The following PTPN11 variants were observed in gnomAD, a reference collection of about 807,000 sequenced individuals.
PTPN11 encodes the protein tyrosine-protein phosphatase non-receptor type 11.
In PTPN11, 6 loss-of-function variants were observed where a neutral mutation model predicts 78.8. The ratio of observed to expected loss-of-function variants is 0.08; its 90% CI spans 0.04 to 0.15. PTPN11 has a LOEUF of 0.15. Ranked by LOEUF, PTPN11 falls within the 10% of genes least tolerant of loss-of-function variation. The probability of loss-of-function intolerance (pLI) is 1.00; values close to 1 mark genes in which losing one functional copy is unlikely to be tolerated. For missense variants in PTPN11, 386 were observed against 744.8 expected, an observed-to-expected ratio of 0.52 and a Z score of 5.61; for synonymous variants, 221 against 263.5, an observed-to-expected ratio of 0.84 and a Z score of 1.56.
At chr12:112,505,514 A>C (rs2038921695) in intron 15 of PTPN11, among the ~76,000 whole-genome samples, 1 of 152,022 alleles carries the variant, frequency 6.6e-6, no homozygotes, top group Non-Finnish European at 1.5e-5. Flanking sequence ...GTCTCTACTA[A>C]AAATAGAAAA....
rs1232365396 is a variant in PTPN11 at position 112,508,224 on chromosome 12, C to T, written c.*2432C>T. ...TTGATTTCATTTAGATTTCCCTCCA[C>T]GAGGTCAGCAAACTATCATGTTCTT... On this transcript the variant is annotated 3_prime_UTR_variant, in exon 16 of 16. Coordinates refer to ENST00000351677, the MANE Select transcript of PTPN11 (RefSeq NM_002834.5). 7 of 152,748 alleles carry T rather than the reference C, an allele frequency of 4.6e-5. No individual in the cohort carries two copies. Among genetic ancestry groups the T allele is most frequent in the South Asian group, 4.1e-4 (2 of 4,826 alleles). The allele number at this position is 152,748 out of a possible 1,614,324, so 9.5% of individuals were successfully genotyped here.
chr12:112,498,659 G>A (rs1314291783), intron 13 of PTPN11, among the ~76,000 whole-genome samples: 1 of 152,216 alleles, frequency 6.6e-6, no homozygotes, highest in Non-Finnish European at 1.5e-5. Context: ...CTTGGTTACT[G>A]TGCTGTGACG....
chr12:112,505,323 A>G (rs369318568), intron 15 of PTPN11, among the ~76,000 whole-genome samples: 2 of 152,224 alleles, frequency 1.3e-5, no homozygotes, highest in African/African-American at 2.4e-5. Flanking sequence ...CTCCCCATCA[A>G]TTACGTTTTT....
chr12:112,487,669 T>C (rs2038696506), intron 11 of PTPN11, among the ~76,000 whole-genome samples: 1 of 152,220 alleles, frequency 6.6e-6, no homozygotes, highest in Non-Finnish European at 1.5e-5. Context: ...AAAGTGTTTA[T>C]TTGTCCAGTT....
rs727505390 is a variant in PTPN11 at position 112,489,201 on chromosome 12, G to A, written c.1599+26G>A. On this transcript the variant is annotated intron_variant, in intron 13 of 15. Coordinates refer to ENST00000351677, the MANE Select transcript of PTPN11 (RefSeq NM_002834.5). ...GTACCAGCCTGAGGGCTGGCATGCG[G>A]ATTCTCATTCTCTTGCTAGGCCTCT... is the stretch of plus-strand genomic sequence containing the variant. 9 of 1,613,796 alleles carry A rather than the reference G, an allele frequency of 5.6e-6. No individual in the cohort carries two copies. Among genetic ancestry groups the A allele is most frequent in the African/African-American group, 1.3e-5 (1 of 75,058 alleles).
chr12:112,422,213 T>C (rs904376894), intron 1 of PTPN11, among the ~76,000 whole-genome samples: 1 of 152,200 alleles, frequency 6.6e-6, no homozygotes, highest in African/African-American at 2.4e-5. Context: ...TTTGTTTTGC[T>C]TAATTATCAA....
At chr12:112,446,439 T>G (rs774833026) in intron 2 of PTPN11, 41 bp downstream of exon 2, 4 of 1,613,482 alleles carry the variant, frequency 2.5e-6, no homozygotes, top group Non-Finnish European at 3.4e-6. Flanking sequence ...GAGTGTTTTC[T>G]AGGTAGGAAG....
At chr12:112,457,183 T>A in intron 6 of PTPN11, 1 of 350,192 alleles carries the variant, frequency 2.9e-6, no homozygotes, top group South Asian at 2.1e-5. Context: ...GTGAGGCAGG[T>A]GGACCACTTG....
chr12:112,489,692 C>G (rs183215315), intron 13 of PTPN11, among the ~76,000 whole-genome samples: 1 of 152,180 alleles, frequency 6.6e-6, no homozygotes. Flanking sequence ...CTATTCATAA[C>G]AGGCACAAAG....
intron 13 of PTPN11, among the ~76,000 whole-genome samples, chr12:112,494,246 C>T (rs2038787944): frequency 6.6e-6 from 1 of 152,110 alleles, no homozygotes; most frequent in African/African-American, 2.4e-5. Flanking sequence ...GATGTTGTTC[C>T]ACTTGTTTAT....
intron 1 of PTPN11, among the ~76,000 whole-genome samples, chr12:112,429,767 C>T (rs1269702176): frequency 2.0e-5 from 3 of 149,700 alleles, no homozygotes; most frequent in Admixed American, 6.6e-5. Flanking sequence ...TGTGCCACTG[C>T]ACTCCAGCCT....
intron 10 of PTPN11, among the ~76,000 whole-genome samples, chr12:112,484,845 C>T (rs2038649257): frequency 6.6e-6 from 1 of 151,346 alleles, no homozygotes; most frequent in Non-Finnish European, 1.5e-5. Flanking sequence ...TGTGATTGTG[C>T]CACTGCACTC....
At chr12:112,419,200 G>C (rs1280890840) in intron 1 of PTPN11, 75 bp downstream of exon 1, 1 of 1,343,656 alleles carries the variant, frequency 7.4e-7, no homozygotes, top group Admixed American at 3.9e-5. Context: ...GTCCGGAAGG[G>C]GGCGCCCCGG....
rs372736227 is a variant in PTPN11 at position 112,446,309 on chromosome 12, A to G, written c.48A>G (p.Ala16=). The change falls in exon 2 of 16, where the codon GCA becomes GCG. Residue 16 remains alanine (A), a synonymous_variant. Coordinates refer to ENST00000351677, the MANE Select transcript of PTPN11 (RefSeq NM_002834.5). ...WFHPNITGVE[A]ENLLLTRGVD... is the part of the protein sequence containing the mutation. Reference sequence around the variant, plus strand: ...ACCCAAATATCACTGGTGTGGAGGCAGAAAACCTACTGTTGACAAGAGGAG... The same window carrying G: ...ACCCAAATATCACTGGTGTGGAGGCGGAAAACCTACTGTTGACAAGAGGAG... 791 of 1,614,012 alleles carry G rather than the reference A, an allele frequency of 4.9e-4. No homozygotes were observed. The highest frequency in any genetic ancestry group is 9.0e-4 in the South Asian group (82 of 91,082).
At chr12:112,490,205 G>C (rs1471163437) in intron 13 of PTPN11, among the ~76,000 whole-genome samples, 1 of 151,732 alleles carries the variant, frequency 6.6e-6, no homozygotes, top group African/African-American at 2.4e-5. Context: ...TTTGGCTCAA[G>C]AATAGTTAGG....
intron 10 of PTPN11, among the ~76,000 whole-genome samples, chr12:112,485,605 G>A (rs1388307287): frequency 1.3e-5 from 2 of 152,154 alleles, no homozygotes; most frequent in Non-Finnish European, 2.9e-5. Flanking sequence ...GTGAGTGCCT[G>A]GAATTGGAGC....
At chr12:112,423,468 T>C (rs2037556226) in intron 1 of PTPN11, among the ~76,000 whole-genome samples, 1 of 152,024 alleles carries the variant, frequency 6.6e-6, no homozygotes, top group African/African-American at 2.4e-5. Flanking sequence ...ATATTTTTAG[T>C]AGGGATGGGG....
chr12:112,494,178 C>G (rs1036613784), intron 13 of PTPN11, among the ~76,000 whole-genome samples: 1 of 152,114 alleles, frequency 6.6e-6, no homozygotes, highest in Non-Finnish European at 1.5e-5. Flanking sequence ...CGCTTGAACC[C>G]GGGAGGCGGA....
At chr12:112,441,802 G>A (rs555652676) in intron 1 of PTPN11, among the ~76,000 whole-genome samples, 1 of 148,944 alleles carries the variant, frequency 6.7e-6, no homozygotes, top group South Asian at 2.1e-4. Context: ...TTTTTGAGAC[G>A]GAGTCTCACT....
Sources: gnomAD v4.1 joint callset for allele counts (sites outside exome capture counted in the v4.1 genomes callset) on GRCh38, gnomAD v4.1.1 for gene constraint, MANE v1.5 for transcripts, NCBI Gene and HGNC (gene_info 2026-07-23, HGNC 2026-07-21) for gene names.